Variants in PRKN observed in about 807,000 individuals in gnomAD.
The protein encoded by PRKN is parkin RBR E3 ubiquitin protein ligase, also known as E3 ubiquitin-protein ligase parkin.
Under a neutral mutation model 59.5 loss-of-function variants are expected in PRKN, and 56 were observed. That is an observed-to-expected ratio of 0.94 (90% CI 0.76 to 1.18). The LOEUF (loss-of-function observed/expected upper bound fraction) is 1.18, where lower values mean the gene tolerates loss of function less well. Ranked by LOEUF, PRKN falls within the 50% of genes most tolerant of loss-of-function variation. The probability of loss-of-function intolerance (pLI) is 0.00; values close to 1 mark genes in which losing one functional copy is unlikely to be tolerated. For synonymous variants in PRKN, 250 were observed against 222.1 expected, an observed-to-expected ratio of 1.13 and a Z score of -1.12; for missense variants, 657 against 596.4, an observed-to-expected ratio of 1.10 and a Z score of -1.06.
chr6:161,426,053 A>G (rs1788339070), intron 9 of PRKN, among the ~76,000 whole-genome samples: 1 of 152,058 alleles, frequency 6.6e-6, no homozygotes, highest in African/African-American at 2.4e-5. Context: ...TGGCCTCCCA[A>G]GTGGTTAAGG....
At chr6:162,357,186 C>T (rs1224956727) in intron 2 of PRKN, among the ~76,000 whole-genome samples, 1 of 151,906 alleles carries the variant, frequency 6.6e-6, no homozygotes, top group African/African-American at 2.4e-5. Flanking sequence ...AATGAAAAGC[C>T]GAGTCACAAT....
intron 9 of PRKN, among the ~76,000 whole-genome samples, chr6:161,420,668 C>T (rs1413612087): frequency 4.6e-5 from 7 of 152,160 alleles, no homozygotes; most frequent in Admixed American, 3.9e-4. Flanking sequence ...CGCCACCATG[C>T]CTGGCTAATT....
chr6:161,413,259 C>T lies in PRKN; in HGVS notation c.1084-26382G>A, dbSNP rs1787673126. ...GCCTCCAGGGCACGGTCTGGAGGGT[C>T]TGTAAGACTCCCCGTGACATTCCTG... On this transcript the variant is annotated intron_variant, in intron 9 of 11. Transcript: ENST00000366898. This position sits in a 1 kb window ranked among gnomAD's most constrained non-coding sequence, Gnocchi z 4.4. Among the ~76,000 whole-genome samples, 1 of 152,144 alleles carries T rather than the reference C, an allele frequency of 6.6e-6. No individual in the cohort carries two copies. The highest frequency in any genetic ancestry group is 2.1e-4 in the South Asian group (1 of 4,828).
At chr6:162,227,092 T>C (rs1344368221) in intron 3 of PRKN, among the ~76,000 whole-genome samples, 1 of 152,204 alleles carries the variant, frequency 6.6e-6, no homozygotes, top group Non-Finnish European at 1.5e-5. Flanking sequence ...TGTATATATC[T>C]ACATTTAACT....
rs542425739 is a variant in PRKN, at chr6:161,373,422, C to T, written c.1168-13217G>A. Among the ~76,000 whole-genome samples the T allele has an allele frequency of 4.6e-5, 7 of 152,222 alleles. No homozygotes were observed. Among genetic ancestry groups the T allele is most frequent in the African/African-American group, 9.6e-5 (4 of 41,542 alleles). ...CTGCTTGTCTTGGATTCCTCAGACA[C>T]GGGTGGGAACACCTAGTCCTTGCTG... On this transcript the variant is annotated intron_variant, in intron 10 of 11. Coordinates refer to ENST00000366898, the MANE Select transcript of PRKN (RefSeq NM_004562.3). This position sits in a 1 kb window ranked among gnomAD's most constrained non-coding sequence, Gnocchi z 4.8.
chr6:162,713,228 C>T (rs1778601336), intron 1 of PRKN, among the ~76,000 whole-genome samples: 1 of 152,190 alleles, frequency 6.6e-6, no homozygotes, highest in African/African-American at 2.4e-5. Context: ...TTTGGCCAGG[C>T]TCACGCCTGT....
chr6:162,472,240 A>G (rs572621113), intron 1 of PRKN, among the ~76,000 whole-genome samples: 436 of 152,064 alleles, frequency 2.9e-3, no homozygotes, highest in African/African-American at 9.8e-3. Flanking sequence ...GTTCTAGGGT[A>G]CATGGGCACA....
chr6:162,581,080 T>A (rs879283365), intron 1 of PRKN, among the ~76,000 whole-genome samples: 1 of 152,132 alleles, frequency 6.6e-6, no homozygotes, highest in Admixed American at 6.6e-5. Flanking sequence ...AATGAGGGTG[T>A]CACCACTAAG....
At chr6:162,245,110 T>C (rs1009290152) in intron 3 of PRKN, among the ~76,000 whole-genome samples, 1 of 152,088 alleles carries the variant, frequency 6.6e-6, no homozygotes, top group Non-Finnish European at 1.5e-5. Flanking sequence ...ATTCTCTTAA[T>C]AATCAAAAAA....
At chr6:162,668,473 C>T (rs1026069243) in intron 1 of PRKN, among the ~76,000 whole-genome samples, 1 of 152,038 alleles carries the variant, frequency 6.6e-6, no homozygotes, top group African/African-American at 2.4e-5. Flanking sequence ...TGGGCTATGG[C>T]TAGAAGAGAA....
chr6:161,858,780 C>T (rs1373306533), intron 6 of PRKN, among the ~76,000 whole-genome samples: 2 of 151,440 alleles, frequency 1.3e-5, no homozygotes, highest in Non-Finnish European at 2.9e-5. Flanking sequence ...GGGTTGGAGG[C>T]ATGGAGGCAG....
At chr6:161,916,862 G>A (rs576881213) in intron 6 of PRKN, among the ~76,000 whole-genome samples, 18 of 152,144 alleles carry the variant, frequency 1.2e-4, no homozygotes, top group Non-Finnish European at 1.9e-4. Flanking sequence ...GCAGTGGCGC[G>A]ACCTCGGTTC....
intron 5 of PRKN, among the ~76,000 whole-genome samples, chr6:162,049,140 C>T (rs1349444249): frequency 5.3e-5 from 8 of 151,976 alleles, no homozygotes; most frequent in Middle Eastern, 3.2e-3. Context: ...AACTTTACTG[C>T]TATTTAAAAC....
intron 5 of PRKN, among the ~76,000 whole-genome samples, chr6:162,040,674 C>T (rs1048950792): frequency 3.3e-5 from 5 of 150,356 alleles, no homozygotes; most frequent in African/African-American, 1.2e-4. Flanking sequence ...CCACCTCGGC[C>T]TCTCAAAGTG....
chr6:161,711,297 C>T (rs6923047), intron 7 of PRKN, among the ~76,000 whole-genome samples: 63,411 of 151,920 alleles, frequency 0.42, 13,686 homozygotes, highest in Admixed American at 0.59. Context: ...GATGGTAATG[C>T]AAATGGAGGA....
At chr6:162,135,134 G>T (rs6455801) in intron 4 of PRKN, among the ~76,000 whole-genome samples, 66,808 of 151,792 alleles carry the variant, frequency 0.44, 15,078 homozygotes, top group African/African-American at 0.54. Context: ...TATTAGTTTT[G>T]TTGTTGTTGT....
chr6:162,115,483 C>G (rs1009032615), intron 4 of PRKN, among the ~76,000 whole-genome samples: 1 of 148,512 alleles, frequency 6.7e-6, no homozygotes, highest in Non-Finnish European at 1.5e-5. Context: ...TACCCTAAAA[C>G]TTAAAGTATA....
rs144001694 is a variant in PRKN, at chr6:162,262,584, C to G, written c.353G>C (p.Gly118Ala). 1.5e-5 allele frequency: 25 copies of G among 1,613,028 alleles called. No homozygotes were observed. Among genetic ancestry groups the G allele is most frequent in the African/African-American group, 2.7e-5 (2 of 74,890 alleles). Residue 118 changes from glycine to alanine, a missense_variant, in exon 3 of 12, where the codon GGG becomes GCG. By Grantham distance (60) the Gly-to-Ala change is moderately conservative (BLOSUM62 0). Transcript: ENST00000366898. ...SSSVLPGDSV[G>A]LAVILHTDSR... ...GTCAGTGTGCAGAATGACAGCCAGC[C>G]CCACAGAGTCTCCTGGGAGGACTGA...
rs1003353512 is a variant in PRKN, at chr6:161,549,908, G to A, written c.934-905C>T. Among the ~76,000 whole-genome samples, 3 of 152,150 alleles carry A rather than the reference G, an allele frequency of 2.0e-5. No homozygotes were observed. The highest frequency in any genetic ancestry group is 7.2e-5 in the African/African-American group (3 of 41,438). ...CCACAGCACTGTAACAGTCAATACC[G>A]AGAGGTTAGAATGTCTAGGATTTCC... On this transcript the variant is annotated intron_variant, in intron 8 of 11. Transcript: ENST00000366898. The surrounding 1 kb of genome is among the most constrained non-coding windows in gnomAD (Gnocchi z 6.0).
Sources: gnomAD v4.1 joint callset for allele counts (sites outside exome capture counted in the v4.1 genomes callset) on GRCh38, gnomAD v4.1.1 for gene constraint, Gnocchi (gnomAD v3.1) non-coding constraint, MANE v1.5 for transcripts, NCBI Gene and HGNC (gene_info 2026-07-23, HGNC 2026-07-21) for gene names.